The following PRR16 variants were observed in gnomAD, a reference collection of about 807,000 sequenced individuals.
The protein encoded by PRR16 is protein Largen.
In PRR16, 6 loss-of-function variants were observed where a neutral mutation model predicts 18.2. The ratio of observed to expected loss-of-function variants is 0.33; its 90% CI spans 0.18 to 0.65. PRR16 has a LOEUF of 0.65. Ranked by LOEUF, PRR16 falls within the 30% of genes least tolerant of loss-of-function variation. The pLI is 0.74. For missense variants in PRR16, 412 were observed against 376.6 expected, an observed-to-expected ratio of 1.09 and a Z score of -0.78; for synonymous variants, 151 against 147.8, an observed-to-expected ratio of 1.02 and a Z score of -0.16.
At chr5:120,564,900 G>A (rs1483729720) in intron 1 of PRR16, among the ~76,000 whole-genome samples, 2 of 151,560 alleles carry the variant, frequency 1.3e-5, no homozygotes, top group African/African-American at 4.9e-5. Context: ...GCAGGAGAAT[G>A]GCTTGAACTG....
chr5:120,715,533 T>G, the PRR16 span, among the ~76,000 whole-genome samples: 2 of 152,210 alleles, frequency 1.3e-5, no homozygotes, highest in Non-Finnish European at 2.9e-5. Flanking sequence ...TGATCTCTAT[T>G]GAGGACTATT....
intron 1 of PRR16, among the ~76,000 whole-genome samples, chr5:120,592,443 T>C (rs763796653): frequency 2.6e-5 from 4 of 152,116 alleles, no homozygotes; most frequent in Non-Finnish European, 5.9e-5. Context: ...ATTTGACAGA[T>C]AGTGCTTCAA....
At chr5:120,590,943 C>G (rs1753613974) in intron 1 of PRR16, among the ~76,000 whole-genome samples, 1 of 151,962 alleles carries the variant, frequency 6.6e-6, no homozygotes, top group African/African-American at 2.4e-5. Context: ...TAGATTTGAT[C>G]TTATAGTATT....
the PRR16 span, among the ~76,000 whole-genome samples, chr5:120,754,767 T>A: frequency 6.7e-6 from 1 of 149,712 alleles, no homozygotes; most frequent in East Asian, 1.9e-4. Flanking sequence ...ATTGATAACA[T>A]CTTTACTTTT....
chr5:120,705,575 A>C, the PRR16 span, among the ~76,000 whole-genome samples: 1 of 152,098 alleles, frequency 6.6e-6, no homozygotes, highest in Non-Finnish European at 1.5e-5. Flanking sequence ...TATATTTTCC[A>C]CACTAGCTTT....
chr5:120,526,842 G>A (rs967410244), intron 1 of PRR16, among the ~76,000 whole-genome samples: 5 of 152,046 alleles, frequency 3.3e-5, no homozygotes, highest in African/African-American at 9.7e-5. Context: ...GCCTGGCTCG[G>A]CCTCCCAAAG....
At chr5:120,572,699 T>C (rs1349124706) in intron 1 of PRR16, among the ~76,000 whole-genome samples, 2 of 152,072 alleles carry the variant, frequency 1.3e-5, no homozygotes, top group Admixed American at 1.3e-4. Context: ...AAATGAAAAT[T>C]CAAATGCTAG....
chr5:120,558,245 T>G (rs181393041), intron 1 of PRR16, among the ~76,000 whole-genome samples: 1 of 151,930 alleles, frequency 6.6e-6, no homozygotes, highest in Admixed American at 6.6e-5. Context: ...TATTCATTTT[T>G]CTAATTATTT....
chr5:120,711,969 G>A, the PRR16 span, among the ~76,000 whole-genome samples: 3 of 152,096 alleles, frequency 2.0e-5, no homozygotes, highest in Non-Finnish European at 2.9e-5. Context: ...CTGTGTCTAA[G>A]TTATTATGTT....
rs572453624 is a variant in PRR16, at chr5:120,595,180, C to G, written c.160-90774C>G. On this transcript the variant is annotated intron_variant, in intron 1 of 1. Transcript: ENST00000407149. ...AATACCAATAGAGTAAACAGACAAC[C>G]TATAAAATGGAAGAAAGATTCTAAT... Among the ~76,000 whole-genome samples, 109 of 151,140 alleles carry G rather than the reference C, an allele frequency of 7.2e-4. 1 individual carries two copies. The highest frequency in any genetic ancestry group is 2.5e-3 in the African/African-American group (102 of 41,410).
chr5:120,761,251 C>T, the PRR16 span, among the ~76,000 whole-genome samples: 1 of 151,994 alleles, frequency 6.6e-6, no homozygotes, highest in African/African-American at 2.4e-5. Context: ...TTTGAGGAAA[C>T]TGGATTGTTT....
rs1269643882 is a variant in PRR16 at position 120,687,002 on chromosome 5, T to G, written c.*293T>G. ...ACCTGCAGATTTCACCTATTTTGAT[T>G]TACTATAAGAGCTGGGATTTGATTC... On this transcript the variant is annotated 3_prime_UTR_variant, in exon 2 of 2. Transcript: ENST00000407149. 4.4e-6 allele frequency: 1 copy of G among 226,920 alleles called. No individual in the cohort carries two copies. Among genetic ancestry groups the G allele is most frequent in the African/African-American group, 2.3e-5 (1 of 44,366 alleles). 14.1% of individuals were successfully genotyped at this position (226,920 alleles called of 1,614,324 possible). A position where few individuals can be genotyped will look rare whatever the true frequency, so the allele number is the denominator to read the frequency against.
chr5:120,565,165 T>C (rs1273139776), intron 1 of PRR16, among the ~76,000 whole-genome samples: 2 of 152,268 alleles, frequency 1.3e-5, no homozygotes, highest in East Asian at 3.9e-4. Flanking sequence ...AGGGCTTTTT[T>C]TTAACCTAAG....
rs115680132 is a variant in PRR16, at chr5:120,514,319, C to T, written c.159+49674C>T. Among the ~76,000 whole-genome samples, 623 of 152,212 alleles carry T rather than the reference C, an allele frequency of 4.1e-3. 5 individuals carry two copies. The highest frequency in any genetic ancestry group is 0.014 in the African/African-American group (588 of 41,540). Reference sequence around the variant, plus strand: ...TCTTCCATTGTCTTGATGAATAGAACGTGGCTTCCTACCATCCATATTAAT... The same window carrying T: ...TCTTCCATTGTCTTGATGAATAGAATGTGGCTTCCTACCATCCATATTAAT... On this transcript the variant is annotated intron_variant, in intron 1 of 1. Coordinates refer to ENST00000407149, the MANE Select transcript of PRR16 (RefSeq NM_001300783.2).
At chr5:120,736,537 CTTTTTTTTTTTTTT>C in the PRR16 span, among the ~76,000 whole-genome samples, 2 of 54,022 alleles carry the variant, frequency 3.7e-5, no homozygotes, top group Admixed American at 2.3e-4. Flanking sequence ...AGTGTAAAGG[CTTTTTTTTTTTTTT>C]TTTTTTTTTT....
intron 1 of PRR16, among the ~76,000 whole-genome samples, chr5:120,596,967 T>C (rs1243106479): frequency 4.0e-5 from 6 of 151,758 alleles, no homozygotes; most frequent in Admixed American, 6.6e-5. Flanking sequence ...TTACATCCTA[T>C]ACATATACAA....
At chr5:120,541,828 C>A (rs1463000070) in intron 1 of PRR16, among the ~76,000 whole-genome samples, 1 of 152,012 alleles carries the variant, frequency 6.6e-6, no homozygotes, top group Non-Finnish European at 1.5e-5. Context: ...ATATTTTCAT[C>A]AACCAAAAAG....
At chr5:120,601,988 C>T (rs1161435234) in intron 1 of PRR16, among the ~76,000 whole-genome samples, 1 of 151,960 alleles carries the variant, frequency 6.6e-6, no homozygotes, top group Non-Finnish European at 1.5e-5. Flanking sequence ...AGTTCAAAGT[C>T]AGGTAGTGTG....
At chr5:120,560,882 C>A (rs1723525295) in intron 1 of PRR16, among the ~76,000 whole-genome samples, 1 of 151,980 alleles carries the variant, frequency 6.6e-6, no homozygotes. Flanking sequence ...GGAATTTATC[C>A]ATTTTCTCTA....
Sources: allele counts gnomAD v4.1 joint callset (sites outside exome capture counted in the v4.1 genomes callset), GRCh38; gene constraint gnomAD v4.1.1; transcripts MANE v1.5; gene names NCBI Gene and HGNC (gene_info 2026-07-23, HGNC 2026-07-21).